Variants in NEDD1 observed in about 807,000 individuals in gnomAD.
NEDD1 encodes the protein protein NEDD1.
NEDD1 carries 33 observed loss-of-function variants against 74.0 expected under a neutral mutation model. That is an observed-to-expected ratio of 0.45 (90% CI 0.34 to 0.60). The LOEUF is 0.60. Among genes scored for constraint, NEDD1 ranks in the 20% least tolerant of loss-of-function variants. The probability of loss-of-function intolerance (pLI) is 0.01; values close to 1 mark genes in which losing one functional copy is unlikely to be tolerated. For synonymous variants in NEDD1, 250 were observed against 264.4 expected (o/e 0.95, Z 0.53); for missense variants, 746 against 776.5 (o/e 0.96, Z 0.47).
intron 11 of NEDD1, 113 bp downstream of exon 11, chr12:96,942,737 CT>C: frequency 3.1e-6 from 2 of 652,458 alleles, no homozygotes; most frequent in Non-Finnish European, 5.5e-6. Flanking sequence ...CATTTATCGT[CT>C]CATAATTTCT....
intron 12 of NEDD1, 90 bp from the exon 13 acceptor site, chr12:96,944,549 G>A (rs1161086730): frequency 4.5e-6 from 3 of 663,286 alleles, no homozygotes; most frequent in Non-Finnish European, 7.4e-6. Context: ...CCTACATACT[G>A]GGACAAAAGA....
Position 96,943,693 on chromosome 12 carries a change from C to A in NEDD1, c.1428C>A (p.Asn476Lys). ...MGSPGKEENENRDLTAESKKI... is the reference protein window; with the variant it reads ...MGSPGKEENEKRDLTAESKKI... The stretch of plus-strand genomic sequence containing the variant: ...CTCCAGGGAAAGAGGAAAATGAAAA[C>A]CGTGATCTAACAGCTGAGTCTAAGA... The change falls in exon 12 of 16, where the codon AAC (asparagine) becomes AAA (lysine). Residue 476 changes from asparagine to lysine, a missense_variant. Asn to Lys is a moderately conservative substitution (Grantham distance 94). Transcript: ENST00000266742. 1.2e-6 allele frequency: 2 copies of A among 1,612,520 alleles called. No individual in the cohort carries two copies. The highest frequency in any genetic ancestry group is 1.7e-6 in the Non-Finnish European group (2 of 1,178,818).
intron 11 of NEDD1, 97 bp from the exon 12 acceptor site, chr12:96,943,463 C>A: frequency 2.6e-6 from 2 of 779,762 alleles, no homozygotes; most frequent in Non-Finnish European, 2.2e-6. Context: ...AGATCCATAT[C>A]TTCTTCCATG....
intron 10 of NEDD1, 58 bp downstream of exon 10, chr12:96,940,595 T>G: frequency 7.7e-7 from 1 of 1,297,340 alleles, no homozygotes; most frequent in Non-Finnish European, 1.1e-6. Context: ...TTATTCTGGC[T>G]AAAAGATGTG....
intron 9 of NEDD1, among the ~76,000 whole-genome samples, chr12:96,938,107 T>C (rs1219909450): frequency 1.3e-5 from 2 of 152,038 alleles, no homozygotes; most frequent in African/African-American, 4.8e-5. Flanking sequence ...GGATAAATAC[T>C]TGGGCAAAAA....
chr12:96,934,924 T>C, intron 6 of NEDD1, 52 bp from the exon 7 acceptor site: 1 of 1,135,840 alleles, frequency 8.8e-7, no homozygotes, highest in South Asian at 1.3e-5. Context: ...TTATATCAAA[T>C]GTCCTTATGA....
rs762469469 is a variant in NEDD1 at position 96,953,065 on chromosome 12, T to A, written c.*1012T>A. ...AGATGTATACATCTACCTACTATGATCTACAATTTTAGGTTAAGTGAAGCT... is the reference window on the plus strand; with the variant it reads ...AGATGTATACATCTACCTACTATGAACTACAATTTTAGGTTAAGTGAAGCT... On this transcript the variant is annotated 3_prime_UTR_variant, in exon 16 of 16. Coordinates refer to ENST00000266742, the MANE Select transcript of NEDD1 (RefSeq NM_152905.4). 4 of 151,640 alleles carry A rather than the reference T, an allele frequency of 2.6e-5. No homozygotes were observed. The highest frequency in any genetic ancestry group is 3.0e-5 in the Non-Finnish European group (2 of 67,632). 9.4% of individuals were successfully genotyped at this position (151,640 alleles called of 1,614,324 possible).
At chr12:96,928,742 AGTGGCACT>A (rs1201517409) in intron 6 of NEDD1, among the ~76,000 whole-genome samples, 1 of 134,036 alleles carries the variant, frequency 7.5e-6, no homozygotes, top group Non-Finnish European at 1.5e-5. Context: ...GCTGGAGTGC[AGTGGCACT>A]GTCTGGGCTC....
intron 6 of NEDD1, among the ~76,000 whole-genome samples, chr12:96,931,347 CAA>C (rs986622217): frequency 4.6e-5 from 7 of 151,870 alleles, no homozygotes; most frequent in Non-Finnish European, 8.8e-5. Flanking sequence ...AAACTTCTGA[CAA>C]AAAGCAAGGC....
At position 96,940,357 on chromosome 12, in the gene NEDD1, T is replaced by A. The variant is rs559467781; in HGVS notation, c.1118-52T>A. The A allele has an allele frequency of 2.2e-5, 25 of 1,153,444 alleles. No homozygotes were observed. The African/African-American group carries it at 3.1e-4, about 14-fold the overall frequency. The allele number at this position is 1,153,444 out of a possible 1,614,324, so 71.5% of individuals were successfully genotyped here. A position where few individuals can be genotyped will look rare whatever the true frequency, so the allele number is the denominator to read the frequency against. ...TTAATTTTTACAACCTAGCTTATGATAAAATTTATTTAGATGTAATAACAT... is the reference window on the plus strand; with the variant it reads ...TTAATTTTTACAACCTAGCTTATGAAAAAATTTATTTAGATGTAATAACAT... On this transcript the variant is annotated intron_variant, in intron 9 of 15. Coordinates refer to ENST00000266742, the MANE Select transcript of NEDD1 (RefSeq NM_152905.4).
At chr12:96,936,918 A>G in intron 8 of NEDD1, 106 bp downstream of exon 8, 1 of 674,670 alleles carries the variant, frequency 1.5e-6, no homozygotes, top group Non-Finnish European at 2.4e-6. Flanking sequence ...TTTCATAATT[A>G]CATAATGATT....
rs1324810871 is a variant in NEDD1 at position 96,953,417 on chromosome 12, G to T, written c.*1364G>T. On this transcript the variant is annotated 3_prime_UTR_variant, in exon 16 of 16. Transcript: ENST00000266742. The stretch of plus-strand genomic sequence containing the variant: ...AGGGATGTTAATGTGATCTTTTCCT[G>T]ACAGATTATGAAAGCATTATGACTT... 6.6e-6 allele frequency: 1 copy of T among 151,656 alleles called. No homozygotes were observed. The highest frequency in any genetic ancestry group is 1.9e-4 in the East Asian group (1 of 5,170). 9.4% of individuals were successfully genotyped at this position (151,656 alleles called of 1,614,324 possible).
chr12:96,937,362 GA>G lies in NEDD1; in HGVS notation c.1089del (p.Gly364GlufsTer15). 6.2e-7 allele frequency: 1 copy of G among 1,606,432 alleles called. No homozygotes were observed. Among genetic ancestry groups the G allele is most frequent in the Non-Finnish European group, 8.5e-7 (1 of 1,176,232 alleles). Reference sequence around the variant, plus strand: ...CACAACCTATGACATCAGCTATGGGGAAAGGAACAGTTGCTGTTCAAGAAAA... The same window carrying G: ...CACAACCTATGACATCAGCTATGGGGAAGGAACAGTTGCTGTTCAAGAAAA... ...LPQPMTSAMG[K>X]GTVAVQEKAG... On this transcript the variant is annotated frameshift_variant, in exon 9 of 16. Transcript: ENST00000266742. LOFTEE classifies it high-confidence loss of function.
At chr12:96,951,824 C>A in intron 15 of NEDD1, 125 bp from the exon 16 acceptor site, 1 of 613,576 alleles carries the variant, frequency 1.6e-6, no homozygotes, top group Non-Finnish European at 2.8e-6. Flanking sequence ...TTGTTAAGTA[C>A]AAGAAATATC....
chr12:96,927,563 C>T (rs1875851050), intron 6 of NEDD1, among the ~76,000 whole-genome samples: 1 of 152,152 alleles, frequency 6.6e-6, no homozygotes, highest in Non-Finnish European at 1.5e-5. Context: ...TTACAAATGT[C>T]AATCTATTGT....
intron 14 of NEDD1, among the ~76,000 whole-genome samples, chr12:96,946,804 A>C (rs529016522): frequency 2.1e-4 from 32 of 152,296 alleles, no homozygotes; most frequent in African/African-American, 7.0e-4. Context: ...TGTTCGTGTA[A>C]TAGCAGCCAA....
intron 6 of NEDD1, among the ~76,000 whole-genome samples, chr12:96,930,201 A>ACT (rs1876264072): frequency 1.6e-5 from 1 of 62,406 alleles, no homozygotes; most frequent in African/African-American, 5.7e-5. Context: ...ACACACACAC[A>ACT]CACACACACA....
Position 96,951,959 on chromosome 12 carries a change from A to G in NEDD1, c.1889A>G (p.His630Arg). 1 of 1,561,858 alleles carries G rather than the reference A, an allele frequency of 6.4e-7. No individual in the cohort carries two copies. Among genetic ancestry groups the G allele is most frequent in the Non-Finnish European group, 8.8e-7 (1 of 1,134,784 alleles). Residue 630 changes from histidine (H) to arginine (R), a missense_variant, in exon 16 of 16, where the codon CAT (histidine) becomes CGT (arginine). Physicochemically the swap from His to Arg is conservative, Grantham distance 29 (BLOSUM62 0). Coordinates refer to ENST00000266742, the MANE Select transcript of NEDD1 (RefSeq NM_152905.4). ...KQFHMQLNEM[H>R]SLLERYSVNE... Reference sequence around the variant, plus strand: ...TTCCTGTTTTTCTAGAATGAAATGCATTCTTTGCTGGAAAGATACTCAGTG... The same window carrying G: ...TTCCTGTTTTTCTAGAATGAAATGCGTTCTTTGCTGGAAAGATACTCAGTG...
chr12:96,942,261 A>AAT (rs1877734862), intron 10 of NEDD1, among the ~76,000 whole-genome samples: 1 of 152,138 alleles, frequency 6.6e-6, no homozygotes, highest in Non-Finnish European at 1.5e-5. Flanking sequence ...CAAAGCTATT[A>AAT]AGTGGTATAG....
Sources: allele counts gnomAD v4.1 joint callset (sites outside exome capture counted in the v4.1 genomes callset), GRCh38; gene constraint gnomAD v4.1.1; transcripts MANE v1.5; gene names NCBI Gene and HGNC (gene_info 2026-07-23, HGNC 2026-07-21).